The following ADGRB3 variants were observed in gnomAD, a reference collection of about 807,000 sequenced individuals.
The protein encoded by ADGRB3 is brain-specific angiogenesis inhibitor 3.
A neutral mutation model predicts 193.4 loss-of-function variants in ADGRB3; 37 were observed. That is an observed-to-expected ratio of 0.19 (90% CI 0.15 to 0.25). The LOEUF (loss-of-function observed/expected upper bound fraction) is 0.25, where lower values mean the gene tolerates loss of function less well. Ranked by LOEUF, ADGRB3 falls within the 10% of genes least tolerant of loss-of-function variation. The pLI is 1.00. For missense variants in ADGRB3, 1,637 were observed against 1,852.9 expected (o/e 0.88, Z 2.14); for synonymous variants, 690 against 644.2 (o/e 1.07, Z -1.08).
intron 3 of ADGRB3, among the ~76,000 whole-genome samples, chr6:68,873,577 C>G (rs988964460): frequency 2.6e-5 from 4 of 152,054 alleles, no homozygotes; most frequent in Non-Finnish European, 5.9e-5. Context: ...TTCTGCTTAT[C>G]CTGAGGGAAA....
chr6:69,226,716 T>C (rs1379936328), intron 17 of ADGRB3, among the ~76,000 whole-genome samples: 11 of 152,242 alleles, frequency 7.2e-5, no homozygotes. Context: ...CTCAGCCAGT[T>C]AGTTTCATCT....
chr6:69,031,272 C>G (rs1254643275), intron 13 of ADGRB3, among the ~76,000 whole-genome samples: 5 of 151,318 alleles, frequency 3.3e-5, no homozygotes, highest in Admixed American at 1.3e-4. Context: ...AACCCAGTCT[C>G]TACTAAAAAT....
chr6:68,856,589 T>C (rs1319888823), intron 3 of ADGRB3, among the ~76,000 whole-genome samples: 1 of 152,162 alleles, frequency 6.6e-6, no homozygotes, highest in Non-Finnish European at 1.5e-5. Flanking sequence ...TAATTTAGAA[T>C]ACCTGGCAGA....
intron 3 of ADGRB3, among the ~76,000 whole-genome samples, chr6:68,899,132 ACT>A (rs1269210137): frequency 6.6e-6 from 1 of 152,074 alleles, no homozygotes; most frequent in Non-Finnish European, 1.5e-5. Flanking sequence ...TTATATGGGA[ACT>A]TTTTGTACGA....
At chr6:69,073,716 T>C (rs1772146717) in intron 16 of ADGRB3, among the ~76,000 whole-genome samples, 1 of 152,154 alleles carries the variant, frequency 6.6e-6, no homozygotes, top group Non-Finnish European at 1.5e-5. Context: ...CACCTGGCTG[T>C]CTCAGTGAGA....
At chr6:69,146,821 C>CTTTTT (rs756561473) in intron 17 of ADGRB3, among the ~76,000 whole-genome samples, 23 of 103,156 alleles carry the variant, frequency 2.2e-4, no homozygotes, top group South Asian at 1.1e-3. Flanking sequence ...CTCATTACTT[C>CTTTTT]TTTTTTTTTT....
Position 68,733,512 on chromosome 6 carries a change from A to G in ADGRB3, c.757+94080A>G, listed in dbSNP as rs982624742. ...GGGGGAAGAAGGGAGGAAAGCATTG[A>G]AAACCTACCTTTTGAGTACTATATT... On this transcript the variant is annotated intron_variant, in intron 3 of 31. Coordinates refer to ENST00000370598, the MANE Select transcript of ADGRB3 (RefSeq NM_001704.3). 1.1e-4 allele frequency among the ~76,000 whole-genome samples: 17 copies of G among 151,800 alleles called. No individual in the cohort carries two copies. In the Admixed American group the frequency reaches 1.1e-3, roughly 10 times the overall value.
chr6:68,842,274 T>C (rs998702736), intron 3 of ADGRB3, among the ~76,000 whole-genome samples: 1 of 151,638 alleles, frequency 6.6e-6, no homozygotes, highest in Non-Finnish European at 1.5e-5. Context: ...TTGACAAACT[T>C]TTAGCCAGGC....
At chr6:68,744,721 A>G (rs190845846) in intron 3 of ADGRB3, among the ~76,000 whole-genome samples, 1 of 152,224 alleles carries the variant, frequency 6.6e-6, no homozygotes, top group East Asian at 1.9e-4. Flanking sequence ...TGAACATCAC[A>G]CACCAGGGCC....
In ADGRB3 at chr6:68,973,829, T is replaced by C. The variant is rs866128085; in HGVS notation, c.1526-934T>C. On this transcript the variant is annotated intron_variant, in intron 8 of 31. Coordinates refer to ENST00000370598, the MANE Select transcript of ADGRB3 (RefSeq NM_001704.3). The stretch of plus-strand genomic sequence containing the variant: ...TGTCTAGAGAAGGGACTAATATTCT[T>C]TCACATGGGAGCAAGATGTCACTTT... Among the ~76,000 whole-genome samples the C allele has an allele frequency of 2.1e-4, 32 of 152,282 alleles. 1 individual carries two copies. Among genetic ancestry groups the C allele is most frequent in the African/African-American group, 7.5e-4 (31 of 41,552 alleles).
chr6:68,817,305 ATGTATATATATATAT>A (rs1562042265), intron 3 of ADGRB3, among the ~76,000 whole-genome samples: 855 of 43,474 alleles, frequency 0.02, 39 homozygotes, highest in Middle Eastern at 0.091. Context: ...CCTTTTGTCC[ATGTATATATATATAT>A]ATATATATAT....
At chr6:69,315,504 A>G (rs1434679439) in intron 20 of ADGRB3, among the ~76,000 whole-genome samples, 1 of 151,524 alleles carries the variant, frequency 6.6e-6, no homozygotes, top group Non-Finnish European at 1.5e-5. Context: ...TGTTTTAGCC[A>G]TTATCTTATT....
chr6:68,772,895 ATATATATATATATATAT>A (rs1286753311), intron 3 of ADGRB3, among the ~76,000 whole-genome samples: 8,544 of 33,296 alleles, frequency 0.26, 692 homozygotes, highest in Middle Eastern at 0.36. Context: ...AAAAAAAAAA[ATATATATATATATATAT>A]ATATATATAT....
chr6:69,101,925 C>A (rs957978047), intron 17 of ADGRB3, among the ~76,000 whole-genome samples: 1 of 152,094 alleles, frequency 6.6e-6, no homozygotes. Context: ...CTCAGTGGCT[C>A]ACACTTGTAA....
At chr6:68,975,119 C>T (rs977395287) in intron 9 of ADGRB3, 115 bp from the exon 10 acceptor site, 23 of 795,736 alleles carry the variant, frequency 2.9e-5, no homozygotes, top group Non-Finnish European at 4.4e-5. Context: ...ATTTCATGTG[C>T]ATGTTTTTTA....
intron 20 of ADGRB3, among the ~76,000 whole-genome samples, chr6:69,277,875 TA>T (rs1767336256): frequency 6.6e-6 from 1 of 152,194 alleles, no homozygotes; most frequent in Admixed American, 6.5e-5. Context: ...TTGTAAGTAT[TA>T]AATGATATAC....
intron 27 of ADGRB3, 50 bp from the exon 28 acceptor site, chr6:69,355,771 T>G: frequency 5.2e-5 from 74 of 1,425,208 alleles, no homozygotes; most frequent in Non-Finnish European, 6.6e-5. Context: ...AAAAGACACT[T>G]GAGGTCTTCA....
intron 20 of ADGRB3, among the ~76,000 whole-genome samples, chr6:69,296,807 T>G (rs1179707056): frequency 6.6e-6 from 1 of 152,056 alleles, no homozygotes; most frequent in African/African-American, 2.4e-5. Context: ...ATAAACCCAG[T>G]CTCCAAACTT....
At chr6:69,099,775 T>C (rs1337900257) in intron 17 of ADGRB3, among the ~76,000 whole-genome samples, 1 of 152,196 alleles carries the variant, frequency 6.6e-6, no homozygotes, top group East Asian at 1.9e-4. Flanking sequence ...TGCTATGCAC[T>C]GGGGCAAGAC....
Sources: allele counts gnomAD v4.1 joint callset (sites outside exome capture counted in the v4.1 genomes callset), GRCh38; gene constraint gnomAD v4.1.1; transcripts MANE v1.5; gene names NCBI Gene and HGNC (gene_info 2026-07-23, HGNC 2026-07-21).